Variants in KCND3 observed in about 807,000 individuals in gnomAD.
The protein encoded by KCND3 is potassium voltage-gated channel subfamily D member 3.
Under a neutral mutation model 51.1 loss-of-function variants are expected in KCND3, and 9 were observed. The ratio of observed to expected loss-of-function variants is 0.18; its 90% CI spans 0.11 to 0.31. The LOEUF (loss-of-function observed/expected upper bound fraction) is 0.31. KCND3 is among the 10% of genes least tolerant of loss of function. The probability of loss-of-function intolerance (pLI) is 1.00; values close to 1 mark genes in which losing one functional copy is unlikely to be tolerated. For missense variants in KCND3, 526 were observed against 903.8 expected (o/e 0.58, Z 5.36); for synonymous variants, 349 against 368.0 (o/e 0.95, Z 0.59).
chr1:111,836,963 C>G (rs1667096230), intron 2 of KCND3, among the ~76,000 whole-genome samples: 1 of 152,138 alleles, frequency 6.6e-6, no homozygotes, highest in Non-Finnish European at 1.5e-5. Context: ...TTCCCCACCC[C>G]CTGTGAATTG....
chr1:111,778,065 G>T (rs1664207490), intron 6 of KCND3, among the ~76,000 whole-genome samples: 1 of 152,194 alleles, frequency 6.6e-6, no homozygotes, highest in African/African-American at 2.4e-5. Flanking sequence ...CTGAAGAGAA[G>T]TGGCATGAAA....
chr1:111,980,239 G>GTGTGTGT (rs1674874986), intron 2 of KCND3, among the ~76,000 whole-genome samples: 16 of 63,612 alleles, frequency 2.5e-4, no homozygotes, highest in Admixed American at 1.5e-3. Context: ...TGTGTGTGTG[G>GTGTGTGT]GTTGGAGTGG....
intron 6 of KCND3, among the ~76,000 whole-genome samples, chr1:111,777,763 G>A (rs1399738562): frequency 6.6e-6 from 1 of 152,156 alleles, no homozygotes; most frequent in African/African-American, 2.4e-5. Context: ...CACAGAATTG[G>A]GAGAGCACTG....
intron 2 of KCND3, among the ~76,000 whole-genome samples, chr1:111,854,934 A>G (rs904136730): frequency 2.6e-5 from 4 of 152,080 alleles, no homozygotes; most frequent in African/African-American, 9.7e-5. Context: ...GCACCTGGAG[A>G]ATCTCACTCA....
At chr1:111,951,083 C>T (rs1673036294) in intron 2 of KCND3, among the ~76,000 whole-genome samples, 1 of 148,038 alleles carries the variant, frequency 6.8e-6, no homozygotes, top group Admixed American at 6.8e-5. Context: ...GGCAGGAGAA[C>T]CGCTTGAATC....
intron 2 of KCND3, among the ~76,000 whole-genome samples, chr1:111,800,722 G>A (rs1665268689): frequency 2.0e-5 from 3 of 152,216 alleles, no homozygotes; most frequent in African/African-American, 7.2e-5. Context: ...AAGAGGCTGT[G>A]AAGCCACTTG....
At chr1:111,934,277 C>T (rs1193869908) in intron 2 of KCND3, among the ~76,000 whole-genome samples, 1 of 152,200 alleles carries the variant, frequency 6.6e-6, no homozygotes, top group African/African-American at 2.4e-5. Context: ...CCCCAGCCCC[C>T]AGCCCATTCC....
intron 2 of KCND3, among the ~76,000 whole-genome samples, chr1:111,878,252 T>G (rs1366918038): frequency 6.6e-6 from 1 of 152,250 alleles, no homozygotes; most frequent in Non-Finnish European, 1.5e-5. Flanking sequence ...TTCCTGTCTC[T>G]TTGCCGAATC....
intron 2 of KCND3, among the ~76,000 whole-genome samples, chr1:111,912,632 GT>G (rs1342074768): frequency 6.6e-6 from 1 of 152,178 alleles, no homozygotes; most frequent in Non-Finnish European, 1.5e-5. Flanking sequence ...TGACCTTCCA[GT>G]GGGACAAGAT....
chr1:111,950,696 T>G (rs542362023), intron 2 of KCND3, among the ~76,000 whole-genome samples: 1 of 152,252 alleles, frequency 6.6e-6, no homozygotes, highest in Non-Finnish European at 1.5e-5. Flanking sequence ...GAGGAGGGCC[T>G]GGTCAGGGCA....
Position 111,805,508 on chromosome 1 carries a change from T to C in KCND3, c.1107-18402A>G, listed in dbSNP as rs76711898. Among the ~76,000 whole-genome samples the C allele has an allele frequency of 9.9e-3, 1,509 of 152,362 alleles. 17 individuals are homozygous for C. The highest frequency in any genetic ancestry group is 0.016 in the South Asian group (77 of 4,830). On this transcript the variant is annotated intron_variant, in intron 2 of 7. Coordinates refer to ENST00000302127, the MANE Select transcript of KCND3 (RefSeq NM_001378969.1). ...GTCAGACTGACACATACCCTGTGCA[T>C]TTCAATGGCCTCCTGTGTGGACAGT...
chr1:111,863,581 C>T (rs1013744382), intron 2 of KCND3, among the ~76,000 whole-genome samples: 4 of 152,102 alleles, frequency 2.6e-5, no homozygotes, highest in Admixed American at 6.5e-5. Context: ...AAACAGCCAC[C>T]GATTTGCTCT....
At chr1:111,839,519 G>A (rs977226803) in intron 2 of KCND3, among the ~76,000 whole-genome samples, 4 of 152,170 alleles carry the variant, frequency 2.6e-5, no homozygotes, top group Admixed American at 6.5e-5. Flanking sequence ...TCCTGCTTCA[G>A]GCATTACTTA....
intron 2 of KCND3, among the ~76,000 whole-genome samples, chr1:111,833,545 C>T (rs1036484612): frequency 2.8e-4 from 42 of 152,290 alleles, no homozygotes; most frequent in African/African-American, 9.9e-4. Flanking sequence ...TCAGGCAGGT[C>T]AGGGCAAGAG....
At chr1:111,884,034 C>A (rs1317776113) in intron 2 of KCND3, among the ~76,000 whole-genome samples, 2 of 152,196 alleles carry the variant, frequency 1.3e-5, no homozygotes, top group Non-Finnish European at 2.9e-5. Flanking sequence ...ACACAGGCTG[C>A]CTCTTGTAGG....
intron 1 of KCND3, among the ~76,000 whole-genome samples, chr1:111,983,964 A>G (rs764804898): frequency 6.6e-6 from 1 of 152,140 alleles, no homozygotes; most frequent in Non-Finnish European, 1.5e-5. Context: ...CCAAATGTAT[A>G]CCATCTGTGG....
chr1:111,856,001 C>T (rs866366376), intron 2 of KCND3, among the ~76,000 whole-genome samples: 1 of 152,194 alleles, frequency 6.6e-6, no homozygotes, highest in Non-Finnish European at 1.5e-5. Context: ...AGTACCCCAA[C>T]CTCACCCTCT....
intron 2 of KCND3, among the ~76,000 whole-genome samples, chr1:111,950,435 C>T (rs1027405165): frequency 3.9e-5 from 6 of 152,208 alleles, no homozygotes; most frequent in African/African-American, 1.4e-4. Flanking sequence ...CTTTATCCCC[C>T]TCACTCCCTG....
At chr1:111,787,222 A>G (rs1664642039) in intron 2 of KCND3, 116 bp from the exon 3 acceptor site, 2 of 1,076,864 alleles carry the variant, frequency 1.9e-6, no homozygotes, top group South Asian at 1.3e-5. Flanking sequence ...AATTGCTTAG[A>G]GTATCTACTA....
Sources: allele counts gnomAD v4.1 joint callset (sites outside exome capture counted in the v4.1 genomes callset), GRCh38; gene constraint gnomAD v4.1.1; transcripts MANE v1.5; gene names NCBI Gene and HGNC (gene_info 2026-07-23, HGNC 2026-07-21).